The following CFAP97D2 variants were observed in gnomAD, a reference collection of about 807,000 sequenced individuals.
CFAP97D2 encodes the protein uncharacterized protein CFAP97D2.
rs184195737 is a variant in CFAP97D2 at position 114,215,523 on chromosome 13, T to C, written c.480+3422T>C. ...TCTCCTGTATTCTCTTCTAATACTATAAGTTTTCTTGATTACCTTTCAGTT... is the reference window on the plus strand; with the variant it reads ...TCTCCTGTATTCTCTTCTAATACTACAAGTTTTCTTGATTACCTTTCAGTT... On this transcript the variant is annotated intron_variant, in intron 4 of 4. Coordinates refer to ENST00000646158, the Ensembl canonical transcript of CFAP97D2. 5.9e-5 allele frequency: 9 copies of C among 152,358 alleles called. No homozygotes were observed. In the East Asian group the frequency reaches 1.5e-3, roughly 26 times the overall value. The allele number at this position is 152,358 out of a possible 1,614,324, so 9.4% of individuals were successfully genotyped here. A position where few individuals can be genotyped will look rare whatever the true frequency, so the allele number is the denominator to read the frequency against.
In CFAP97D2 at chr13:114,187,559, T is replaced by A. The variant is rs2080856295; in HGVS notation, c.90+8139T>A. On this transcript the variant is annotated intron_variant, in intron 1 of 4. Coordinates refer to ENST00000646158, the Ensembl canonical transcript of CFAP97D2. The surrounding 1 kb of genome is among the most constrained non-coding windows in gnomAD (Gnocchi z 4.2). ...ATGGGGTCGATTCTCCAAAAAGGCA[T>A]AATAATCCTTAATGTGCAAGCACCT... is the stretch of plus-strand genomic sequence containing the variant. Among the ~76,000 whole-genome samples, 1 of 152,176 alleles carries A rather than the reference T, an allele frequency of 6.6e-6. No homozygotes were observed. The highest frequency in any genetic ancestry group is 1.5e-5 in the Non-Finnish European group (1 of 68,034).
At position 114,213,500 on chromosome 13, in the gene CFAP97D2, G is replaced by A. The variant is rs182435238; in HGVS notation, c.480+1399G>A. On this transcript the variant is annotated intron_variant, in intron 4 of 4. Transcript: ENST00000646158. ...CTCCAGGACCACAGACCCCACCCCT[G>A]GACAAGCTCCAGGCCAATGAACCCC... is the stretch of plus-strand genomic sequence containing the variant. 2.9e-5 allele frequency among the ~76,000 whole-genome samples: 4 copies of A among 137,170 alleles called. No individual in the cohort carries two copies. The East Asian group carries it at 9.1e-4, about 31-fold the overall frequency. The allele number at this position is 137,170 out of a possible 152,430, so 90.0% of individuals were successfully genotyped here.
In CFAP97D2 at chr13:114,186,980, C is replaced by T. The variant is rs549260125; in HGVS notation, c.90+7560C>T. ...AGGTGCCACCAGCCACAGAGGTTTCCAGCCAGAAAGGCAACACCCTCAAGA... is the reference window on the plus strand; with the variant it reads ...AGGTGCCACCAGCCACAGAGGTTTCTAGCCAGAAAGGCAACACCCTCAAGA... On this transcript the variant is annotated intron_variant, in intron 1 of 4. Transcript: ENST00000646158. This position sits in a 1 kb window ranked among gnomAD's most constrained non-coding sequence, Gnocchi z 4.3. Among the ~76,000 whole-genome samples the T allele has an allele frequency of 6.6e-6, 1 of 152,346 alleles. No individual in the cohort carries two copies. The highest frequency in any genetic ancestry group is 1.5e-5 in the Non-Finnish European group (1 of 68,034).
chr13:114,213,491 C>G (rs1324709218), intron 4 of CFAP97D2, among the ~76,000 whole-genome samples: 1 of 149,650 alleles, frequency 6.7e-6, no homozygotes, highest in African/African-American at 2.5e-5. Context: ...GACCACAGAC[C>G]CCACCCCTGG....
chr13:114,182,875 C>A (rs546447541), intron 1 of CFAP97D2, among the ~76,000 whole-genome samples: 13 of 152,320 alleles, frequency 8.5e-5, no homozygotes, highest in Admixed American at 7.2e-4. Flanking sequence ...AGAATGGAGT[C>A]TCTTATGTCT....
intron 4 of CFAP97D2, among the ~76,000 whole-genome samples, chr13:114,219,630 C>T (rs183988587): frequency 6.6e-6 from 1 of 152,344 alleles, no homozygotes; most frequent in East Asian, 1.9e-4. Context: ...CCAGCTTTGG[C>T]AATATGGTTC....
chr13:114,221,105 A>G (rs1017484191), intron 4 of CFAP97D2, among the ~76,000 whole-genome samples: 1 of 152,052 alleles, frequency 6.6e-6, no homozygotes. Flanking sequence ...AAATTAGCTG[A>G]GTGTAGTGGC....
intron 1 of CFAP97D2, among the ~76,000 whole-genome samples, chr13:114,180,386 C>G (rs1187362241): frequency 2.6e-5 from 4 of 152,142 alleles, no homozygotes; most frequent in Admixed American, 1.3e-4. Flanking sequence ...CCAGCCCCCA[C>G]CCCACGTCAG....
At position 114,222,100 on chromosome 13, in the gene CFAP97D2, T is replaced by C. The variant is rs1033624002; in HGVS notation, c.481-398T>C. On this transcript the variant is annotated intron_variant, in intron 4 of 4. Transcript: ENST00000646158. This position sits in a 1 kb window ranked among gnomAD's most constrained non-coding sequence, Gnocchi z 4.4. The stretch of plus-strand genomic sequence containing the variant: ...TATGTTCCGTGAAAAAGCTGGATAC[T>C]AAATGCCGCATGTTGTCTGATCCCT... Among the ~76,000 whole-genome samples the C allele has an allele frequency of 2.0e-5, 3 of 152,228 alleles. No homozygotes were observed. In the East Asian group the frequency reaches 5.8e-4, roughly 29 times the overall value.
chr13:114,221,858 G>A (rs1999081), intron 4 of CFAP97D2, among the ~76,000 whole-genome samples: 1,742 of 152,230 alleles, frequency 0.011, 96 homozygotes, highest in Admixed American at 0.08. Context: ...CCACTCCTAG[G>A]TCTATATTCG....
At chr13:114,218,036 C>A (rs1473330387) in intron 4 of CFAP97D2, among the ~76,000 whole-genome samples, 1 of 152,056 alleles carries the variant, frequency 6.6e-6, no homozygotes, top group Non-Finnish European at 1.5e-5. Flanking sequence ...GGCAATCAGG[C>A]AGGAGAAAGA....
intron 4 of CFAP97D2, among the ~76,000 whole-genome samples, chr13:114,212,431 T>C (rs2080971272): frequency 6.6e-6 from 1 of 152,164 alleles, no homozygotes; most frequent in Admixed American, 6.5e-5. Flanking sequence ...AACATCAGGT[T>C]GGCCAGGCGC....
chr13:114,179,451 C>T lies in CFAP97D2; in HGVS notation c.90+31C>T. The T allele has an allele frequency of 2.5e-6, 1 of 398,640 alleles. No homozygotes were observed. Among genetic ancestry groups the T allele is most frequent in the Admixed American group, 4.4e-5 (1 of 22,744 alleles). The allele number at this position is 398,640 out of a possible 1,614,324, so 24.7% of individuals were successfully genotyped here. Reference sequence around the variant, plus strand: ...AAAGTCCCCAATCCAGCCCTGACAGCTCAGCGGGCGGGCACCAAGCAGCGC... The same window carrying T: ...AAAGTCCCCAATCCAGCCCTGACAGTTCAGCGGGCGGGCACCAAGCAGCGC... On this transcript the variant is annotated intron_variant, in intron 1 of 4. Coordinates refer to ENST00000646158, the Ensembl canonical transcript of CFAP97D2. The surrounding 1 kb of genome is among the most constrained non-coding windows in gnomAD (Gnocchi z 4.8).
intron 1 of CFAP97D2, among the ~76,000 whole-genome samples, chr13:114,184,738 G>C (rs1232803801): frequency 6.6e-6 from 1 of 152,198 alleles, no homozygotes. Context: ...AAATTCTTTA[G>C]AGAGAACAAA....
rs1303039571 is a variant in CFAP97D2 at position 114,196,605 on chromosome 13, G to A, written c.171+129G>A. 4 of 395,724 alleles carry A rather than the reference G, an allele frequency of 1.0e-5. No homozygotes were observed. The Admixed American group carries it at 1.3e-4, about 13-fold the overall frequency. The allele number at this position is 395,724 out of a possible 1,614,324, so 24.5% of individuals were successfully genotyped here. A position where few individuals can be genotyped will look rare whatever the true frequency, so the allele number is the denominator to read the frequency against. On this transcript the variant is annotated intron_variant, in intron 2 of 4. Coordinates refer to ENST00000646158, the Ensembl canonical transcript of CFAP97D2. ...ACCGAAGACAAAATGCAGTCTAGGT[G>A]ATTAATTAGCCCCGTCTGTCCGTGA...
In CFAP97D2 at chr13:114,222,410, G is replaced by A. The variant is rs1393238596; in HGVS notation, c.481-88G>A. The stretch of plus-strand genomic sequence containing the variant: ...ATTCTAAGTAAAGACTTGTCAATGA[G>A]TTGAAATATTCCATTTCCCAAGTAA... On this transcript the variant is annotated intron_variant, in intron 4 of 4. Coordinates refer to ENST00000646158, the Ensembl canonical transcript of CFAP97D2. The surrounding 1 kb of genome is among the most constrained non-coding windows in gnomAD (Gnocchi z 4.4). 5 of 398,062 alleles carry A rather than the reference G, an allele frequency of 1.3e-5. No homozygotes were observed. Among genetic ancestry groups the A allele is most frequent in the Non-Finnish European group, 2.2e-5 (5 of 225,980 alleles). The allele number at this position is 398,062 out of a possible 1,614,324, so 24.7% of individuals were successfully genotyped here. A position where few individuals can be genotyped will look rare whatever the true frequency, so the allele number is the denominator to read the frequency against.
rs904873511 is a variant in CFAP97D2, at chr13:114,203,016, G to A, written c.290+2573G>A. ...GAGGAAGAAGCAGACCCTCGTAACA[G>A]CTCCCATTCTCTTCCCAAAGGGATG... On this transcript the variant is annotated intron_variant, in intron 3 of 4. Coordinates refer to ENST00000646158, the Ensembl canonical transcript of CFAP97D2. The surrounding 1 kb of genome is among the most constrained non-coding windows in gnomAD (Gnocchi z 4.3). Among the ~76,000 whole-genome samples the A allele has an allele frequency of 1.1e-4, 17 of 152,236 alleles. No homozygotes were observed. The highest frequency in any genetic ancestry group is 4.1e-4 in the African/African-American group (17 of 41,548).
intron 1 of CFAP97D2, among the ~76,000 whole-genome samples, chr13:114,196,076 CAAAAAAA>C (rs57315285): frequency 3.0e-5 from 3 of 100,948 alleles, no homozygotes; most frequent in South Asian, 6.6e-4. Flanking sequence ...GAGCGAGACT[CAAAAAAA>C]AAAAAAAAAA....
At chr13:114,201,820 A>C (rs1310782201) in intron 3 of CFAP97D2, among the ~76,000 whole-genome samples, 2 of 152,232 alleles carry the variant, frequency 1.3e-5, no homozygotes, top group East Asian at 3.8e-4. Flanking sequence ...ACAAATCAAC[A>C]TGAGAGAAAC....
Sources: gnomAD v4.1 joint callset for allele counts (sites outside exome capture counted in the v4.1 genomes callset) on GRCh38, gnomAD v4.1.1 for gene constraint, Gnocchi (gnomAD v3.1) non-coding constraint, MANE v1.5 for transcripts, NCBI Gene and HGNC (gene_info 2026-07-23, HGNC 2026-07-21) for gene names.